Variants in RAB3C observed in about 807,000 individuals in gnomAD.
RAB3C encodes the protein ras-related protein Rab-3C.
RAB3C carries 17 observed loss-of-function variants against 26.4 expected under a neutral mutation model. The observed-to-expected ratio is 0.64, with a 90% confidence interval of 0.44 to 0.97. The LOEUF is 0.97. RAB3C is among the 50% of genes least tolerant of loss of function. The probability of loss-of-function intolerance (pLI) is 0.00; values close to 1 mark genes in which losing one functional copy is unlikely to be tolerated. For missense variants in RAB3C, 242 were observed against 281.9 expected (o/e 0.86, Z 1.01); for synonymous variants, 91 against 95.9 (o/e 0.95, Z 0.30).
At chr5:58,643,444 C>G (rs1173940632) in intron 2 of RAB3C, among the ~76,000 whole-genome samples, 1 of 152,010 alleles carries the variant, frequency 6.6e-6, no homozygotes, top group Non-Finnish European at 1.5e-5. Flanking sequence ...TTTTTAGGAC[C>G]CTAGTAAACT....
intron 2 of RAB3C, among the ~76,000 whole-genome samples, chr5:58,686,609 T>C (rs555470407): frequency 1.1e-4 from 16 of 152,098 alleles, no homozygotes; most frequent in African/African-American, 3.6e-4. Flanking sequence ...TACTGCCCTT[T>C]GTTCTATAGC....
chr5:58,760,905 A>T (rs993015941), intron 3 of RAB3C, among the ~76,000 whole-genome samples: 1 of 152,218 alleles, frequency 6.6e-6, no homozygotes, highest in Non-Finnish European at 1.5e-5. Flanking sequence ...CTATTTGCTG[A>T]TGGCAAGACT....
intron 2 of RAB3C, among the ~76,000 whole-genome samples, chr5:58,640,599 C>T (rs1747395080): frequency 6.6e-6 from 1 of 152,102 alleles, no homozygotes; most frequent in African/African-American, 2.4e-5. Flanking sequence ...ATGCTCAGTG[C>T]TGGTTTTGAG....
chr5:58,632,223 G>C (rs1435694267), intron 2 of RAB3C, among the ~76,000 whole-genome samples: 1 of 152,104 alleles, frequency 6.6e-6, no homozygotes, highest in African/African-American at 2.4e-5. Context: ...TTTACGCTGG[G>C]GTTTATCAGA....
intron 1 of RAB3C, among the ~76,000 whole-genome samples, chr5:58,605,840 G>A (rs1203351985): frequency 1.3e-5 from 2 of 152,194 alleles, no homozygotes; most frequent in Non-Finnish European, 2.9e-5. Flanking sequence ...GGGAGGTAGA[G>A]GTTGCGGTGA....
chr5:58,600,975 G>C (rs1235536971), intron 1 of RAB3C, among the ~76,000 whole-genome samples: 1 of 152,170 alleles, frequency 6.6e-6, no homozygotes, highest in Non-Finnish European at 1.5e-5. Context: ...TATGTTGGCT[G>C]TGGGTTTGTC....
At chr5:58,706,158 C>A (rs1748940085) in intron 2 of RAB3C, among the ~76,000 whole-genome samples, 1 of 152,110 alleles carries the variant, frequency 6.6e-6, no homozygotes, top group Non-Finnish European at 1.5e-5. Flanking sequence ...GTTGTTGTTG[C>A]TTAGGAATAG....
At chr5:58,609,382 G>A (rs1464916309) in intron 1 of RAB3C, among the ~76,000 whole-genome samples, 2 of 152,108 alleles carry the variant, frequency 1.3e-5, no homozygotes, top group Admixed American at 6.6e-5. Context: ...GGGAAAGGGG[G>A]AAGTAGCCTT....
intron 1 of RAB3C, among the ~76,000 whole-genome samples, chr5:58,616,735 A>G (rs1415320455): frequency 6.6e-6 from 1 of 152,182 alleles, no homozygotes; most frequent in Non-Finnish European, 1.5e-5. Context: ...ATTTAAAATA[A>G]CAAACCAAGG....
chr5:58,660,813 A>G, intron 2 of RAB3C, among the ~76,000 whole-genome samples: 1 of 150,168 alleles, frequency 6.7e-6, no homozygotes, highest in Admixed American at 6.6e-5. Flanking sequence ...ATAAGGAAAA[A>G]AGAGAGAGCA....
At chr5:58,792,219 G>A (rs752873178) in intron 3 of RAB3C, among the ~76,000 whole-genome samples, 12 of 152,196 alleles carry the variant, frequency 7.9e-5, no homozygotes, top group Non-Finnish European at 8.8e-5. Flanking sequence ...GGGTAAAATT[G>A]TGTTAGTGTT....
chr5:58,754,591 C>A (rs1414689214), intron 3 of RAB3C, among the ~76,000 whole-genome samples: 4 of 152,096 alleles, frequency 2.6e-5, no homozygotes, highest in Non-Finnish European at 5.9e-5. Context: ...TGCGAATTAC[C>A]CAGTTACCCA....
chr5:58,783,759 C>T (rs962176614), intron 3 of RAB3C, among the ~76,000 whole-genome samples: 5 of 152,186 alleles, frequency 3.3e-5, no homozygotes, highest in African/African-American at 1.2e-4. Flanking sequence ...ATCAAACATT[C>T]TCCCTTCTTC....
At chr5:58,649,046 G>GT (rs1161928568) in intron 2 of RAB3C, among the ~76,000 whole-genome samples, 3 of 152,106 alleles carry the variant, frequency 2.0e-5, no homozygotes, top group African/African-American at 7.2e-5. Flanking sequence ...TGGTCACATG[G>GT]TCCCACCATG....
intron 3 of RAB3C, among the ~76,000 whole-genome samples, chr5:58,797,349 AAAAAATATGTATATATATAATAT>A (rs1247033688): frequency 4.7e-4 from 6 of 12,890 alleles, no homozygotes; most frequent in African/African-American, 1.6e-3. Flanking sequence ...CAAAAAAAAA[AAAAAATATGTATATATATAATAT>A]ATATATATAT....
At chr5:58,836,549 T>C (rs1743752237) in intron 4 of RAB3C, among the ~76,000 whole-genome samples, 1 of 152,166 alleles carries the variant, frequency 6.6e-6, no homozygotes, top group Non-Finnish European at 1.5e-5. Context: ...CCCACACCCT[T>C]CTCAATGTCT....
At position 58,852,777 on chromosome 5, in the gene RAB3C, GGA is replaced by G. The variant is rs762851161; in HGVS notation, c.*1427_*1428del. ...ATTATTTAAAGCTAGGATTTAGGAA[GGA>G]AGCAGGAATTATTTGGCAGATTTGG... On this transcript the variant is annotated 3_prime_UTR_variant, in exon 5 of 5. Coordinates refer to ENST00000282878, the MANE Select transcript of RAB3C (RefSeq NM_138453.4). 5.9e-5 allele frequency: 9 copies of G among 152,188 alleles called. No homozygotes were observed. Among genetic ancestry groups the G allele is most frequent in the Non-Finnish European group, 1.3e-4 (9 of 68,044 alleles). The allele number at this position is 152,188 out of a possible 1,614,324, so 9.4% of individuals were successfully genotyped here.
At chr5:58,839,172 T>C (rs1003512694) in intron 4 of RAB3C, among the ~76,000 whole-genome samples, 8 of 151,994 alleles carry the variant, frequency 5.3e-5, no homozygotes, top group African/African-American at 1.9e-4. Context: ...CCTGTCTATG[T>C]CTTTTAAATG....
chr5:58,639,577 ACCACCT>A (rs1378180640), intron 2 of RAB3C, among the ~76,000 whole-genome samples: 1 of 152,022 alleles, frequency 6.6e-6, no homozygotes, highest in Non-Finnish European at 1.5e-5. Flanking sequence ...CATCATGGGG[ACCACCT>A]CCTCATGACT....
Sources: gnomAD v4.1 joint callset for allele counts (sites outside exome capture counted in the v4.1 genomes callset) on GRCh38, gnomAD v4.1.1 for gene constraint, MANE v1.5 for transcripts, NCBI Gene and HGNC (gene_info 2026-07-23, HGNC 2026-07-21) for gene names.